The following ZCCHC7 variants were observed in gnomAD, a reference collection of about 807,000 sequenced individuals.
ZCCHC7 encodes zinc finger CCHC-type containing 7, also known as zinc finger CCHC domain-containing protein 7.
In ZCCHC7, 35 loss-of-function variants were observed where a neutral mutation model predicts 52.0. That is an observed-to-expected ratio of 0.67 (90% confidence interval 0.51 to 0.89). The LOEUF is 0.89. Among genes scored for constraint, ZCCHC7 ranks in the 40% least tolerant of loss-of-function variants. ZCCHC7 has a pLI of 0.00. For synonymous variants in ZCCHC7, 217 were observed against 221.5 expected, an observed-to-expected ratio of 0.98 and a Z score of 0.18; for missense variants, 574 against 649.1, an observed-to-expected ratio of 0.88 and a Z score of 1.26.
intron 2 of ZCCHC7, among the ~76,000 whole-genome samples, chr9:37,187,630 ATG>A (rs1299041295): frequency 2.0e-5 from 3 of 152,212 alleles, no homozygotes; most frequent in African/African-American, 7.2e-5. Flanking sequence ...GGGAAGATAA[ATG>A]GAATAAAATG....
At chr9:37,249,454 TC>T (rs768434350) in intron 2 of ZCCHC7, among the ~76,000 whole-genome samples, 2 of 130,738 alleles carry the variant, frequency 1.5e-5, no homozygotes, top group East Asian at 4.1e-4. Context: ...TTCTTCTTCT[TC>T]CTTTTTTTTT....
At chr9:37,185,784 G>C (rs752570900) in intron 2 of ZCCHC7, among the ~76,000 whole-genome samples, 4 of 152,140 alleles carry the variant, frequency 2.6e-5, no homozygotes, top group Admixed American at 6.6e-5. Context: ...CTCACCTCAA[G>C]ATCCTTAATT....
chr9:37,186,606 T>C (rs1210956030), intron 2 of ZCCHC7: 3 of 405,376 alleles, frequency 7.4e-6, no homozygotes, highest in Non-Finnish European at 1.4e-5. Context: ...TTTGCTTGCA[T>C]TTTAAGAATG....
chr9:37,352,912 G>T (rs926011559), intron 7 of ZCCHC7, among the ~76,000 whole-genome samples: 5 of 151,928 alleles, frequency 3.3e-5, no homozygotes, highest in Non-Finnish European at 7.4e-5. Context: ...AATAATCCAG[G>T]TAGTCACAAC....
intron 2 of ZCCHC7, among the ~76,000 whole-genome samples, chr9:37,137,172 T>C (rs1368408521): frequency 6.6e-6 from 1 of 152,196 alleles, no homozygotes; most frequent in Non-Finnish European, 1.5e-5. Flanking sequence ...TATGGAAAGT[T>C]CACTGTAAAA....
chr9:37,265,827 G>T (rs2133468811), intron 2 of ZCCHC7, among the ~76,000 whole-genome samples: 2 of 152,072 alleles, frequency 1.3e-5, no homozygotes, highest in Admixed American at 1.3e-4. Context: ...CTCAGTGTTG[G>T]CCCTAGTCTG....
chr9:37,157,220 G>A (rs1401570997), intron 2 of ZCCHC7, among the ~76,000 whole-genome samples: 3 of 150,600 alleles, frequency 2.0e-5, no homozygotes, highest in East Asian at 2.0e-4. Flanking sequence ...AAAGGCGGCC[G>A]GGTGCTGTGG....
At chr9:37,225,179 A>G (rs1825030207) in intron 2 of ZCCHC7, among the ~76,000 whole-genome samples, 1 of 152,260 alleles carries the variant, frequency 6.6e-6, no homozygotes, top group African/African-American at 2.4e-5. Context: ...AACATCACAC[A>G]GATCCTAAAT....
chr9:37,182,513 C>T (rs947833949), intron 2 of ZCCHC7, among the ~76,000 whole-genome samples: 5 of 152,030 alleles, frequency 3.3e-5, no homozygotes, highest in Non-Finnish European at 5.9e-5. Context: ...TACAGGCACA[C>T]GCCACCACGG....
chr9:37,148,113 T>G (rs1039725567), intron 2 of ZCCHC7, among the ~76,000 whole-genome samples: 3 of 152,154 alleles, frequency 2.0e-5, no homozygotes, highest in Non-Finnish European at 4.4e-5. Context: ...TGTAAGCTTT[T>G]GGTTTTCTGT....
At chr9:37,232,920 G>A (rs1203520602) in intron 2 of ZCCHC7, among the ~76,000 whole-genome samples, 1 of 152,082 alleles carries the variant, frequency 6.6e-6, no homozygotes, top group Non-Finnish European at 1.5e-5. Flanking sequence ...AACATGTAAG[G>A]TCCTAGGGGT....
In ZCCHC7 at chr9:37,265,015, A is replaced by T. The variant is rs556101011; in HGVS notation, c.611-37173A>T. Reference sequence around the variant, plus strand: ...GTGTGGCAGTGTAGGGTAGATGATAAATTTTGTAGCCTAGGAAACCTGTAT... The same window carrying T: ...GTGTGGCAGTGTAGGGTAGATGATATATTTTGTAGCCTAGGAAACCTGTAT... On this transcript the variant is annotated intron_variant, in intron 2 of 8. Transcript: ENST00000336755. 7.9e-5 allele frequency among the ~76,000 whole-genome samples: 12 copies of T among 152,224 alleles called. No homozygotes were observed. In the East Asian group the frequency reaches 2.3e-3, roughly 29 times the overall value.
At chr9:37,161,558 G>GAGC (rs1178109226) in intron 2 of ZCCHC7, among the ~76,000 whole-genome samples, 2 of 151,712 alleles carry the variant, frequency 1.3e-5, no homozygotes, top group Non-Finnish European at 2.9e-5. Context: ...CTGAGGGACA[G>GAGC]AGCAAGACTC....
chr9:37,128,377 G>T (rs1201286645), intron 2 of ZCCHC7, among the ~76,000 whole-genome samples: 1 of 152,194 alleles, frequency 6.6e-6, no homozygotes, highest in Non-Finnish European at 1.5e-5. Flanking sequence ...GAGGGCGGGG[G>T]ATAATTGGAA....
At chr9:37,249,452 C>CCTTT (rs1826215829) in intron 2 of ZCCHC7, among the ~76,000 whole-genome samples, 2 of 104,146 alleles carry the variant, frequency 1.9e-5, no homozygotes, top group East Asian at 2.3e-4. Flanking sequence ...TTTTCTTCTT[C>CCTTT]TTCCTTTTTT....
chr9:37,122,108 A>C (rs999050018), intron 1 of ZCCHC7, among the ~76,000 whole-genome samples: 1 of 152,260 alleles, frequency 6.6e-6, no homozygotes. Context: ...TGTGTCATCA[A>C]GAAGGAACAT....
chr9:37,198,315 C>T (rs932563638), intron 2 of ZCCHC7, among the ~76,000 whole-genome samples: 3 of 152,178 alleles, frequency 2.0e-5, no homozygotes, highest in Non-Finnish European at 2.9e-5. Flanking sequence ...CAGAATGTTA[C>T]AACCAGAGTA....
chr9:37,175,446 G>A (rs1047275150), intron 2 of ZCCHC7, among the ~76,000 whole-genome samples: 11 of 152,132 alleles, frequency 7.2e-5, no homozygotes, highest in Admixed American at 1.3e-4. Flanking sequence ...GCTCATGCCT[G>A]TAATCCCAGC....
chr9:37,266,330 C>T (rs1827106021), intron 2 of ZCCHC7, among the ~76,000 whole-genome samples: 1 of 152,100 alleles, frequency 6.6e-6, no homozygotes, highest in African/African-American at 2.4e-5. Context: ...ACAGACAAAA[C>T]TATGAAACTC....
Sources: gnomAD v4.1 joint callset for allele counts (sites outside exome capture counted in the v4.1 genomes callset) on GRCh38, gnomAD v4.1.1 for gene constraint, MANE v1.5 for transcripts, NCBI Gene and HGNC (gene_info 2026-07-23, HGNC 2026-07-21) for gene names.